The following PHC2 variants were observed in gnomAD, a reference collection of about 807,000 sequenced individuals.
PHC2 encodes polyhomeotic homolog 2, also known as polyhomeotic-like protein 2.
In PHC2, 29 loss-of-function variants were observed where a neutral mutation model predicts 87.4. The ratio of observed to expected loss-of-function variants is 0.33; its 90% CI spans 0.25 to 0.45. PHC2 has a LOEUF of 0.45. Among genes scored for constraint, PHC2 ranks in the 20% least tolerant of loss-of-function variants. PHC2 has a pLI of 1.00. For missense variants in PHC2, 857 were observed against 1,136.7 expected (o/e 0.75, Z 3.54); for synonymous variants, 438 against 461.7 (o/e 0.95, Z 0.66).
chr1:33,358,721 C>T (rs1418314536), intron 7 of PHC2: 3 of 152,190 alleles, frequency 2.0e-5, no homozygotes, highest in Non-Finnish European at 4.4e-5. Flanking sequence ...ACAACATAAA[C>T]CAACCTTTTA....
chr1:33,332,259 G>A lies in PHC2; in HGVS notation c.1891+16C>T, dbSNP rs768658470. ...CACGCTGGGAGGCCGAGAGATTCAG[G>A]GTCTGAGATGCCCACCTTGCAGATA... is the stretch of plus-strand genomic sequence containing the variant. On this transcript the variant is annotated intron_variant, in intron 11 of 14. Transcript: ENST00000683057. This position sits in a 1 kb window ranked among gnomAD's most constrained non-coding sequence, Gnocchi z 4.2. 5 of 1,613,846 alleles carry A rather than the reference G, an allele frequency of 3.1e-6. No homozygotes were observed. The highest frequency in any genetic ancestry group is 4.2e-6 in the Non-Finnish European group (5 of 1,179,888).
At chr1:33,330,035 G>C in intron 13 of PHC2, 36 bp downstream of exon 13, 1 of 1,608,126 alleles carries the variant, frequency 6.2e-7, no homozygotes, top group Non-Finnish European at 8.5e-7. Flanking sequence ...TGTGGGGACT[G>C]TGGGGATGGA....
intron 7 of PHC2, among the ~76,000 whole-genome samples, chr1:33,356,281 A>ATG: frequency 7.3e-6 from 1 of 136,418 alleles, no homozygotes; most frequent in African/African-American, 2.9e-5. Flanking sequence ...ATATATGTAT[A>ATG]TATATATATA....
chr1:33,341,140 C>G (rs1213689980), intron 9 of PHC2, among the ~76,000 whole-genome samples: 1 of 152,190 alleles, frequency 6.6e-6, no homozygotes, highest in East Asian at 1.9e-4. Flanking sequence ...GGCCTGTTTC[C>G]TCATCTATGA....
rs1344116172 is a variant in PHC2 at position 33,370,873 on chromosome 1, C to CCCTTTTCT, written c.411+136_411+143dup. On this transcript the variant is annotated intron_variant, in intron 4 of 14. Coordinates refer to ENST00000683057, the MANE Select transcript of PHC2 (RefSeq NM_001385109.1). ...AACCTAAAGGTCAGTAAGAGACATGCCCTTTTCTTTTTCTTCCCGGTAAGG... is the reference window on the plus strand; with the variant it reads ...AACCTAAAGGTCAGTAAGAGACATGCCCTTTTCTCCTTTTCTTTTTCTTCCCGGTAAGG... 9 of 750,392 alleles carry CCCTTTTCT rather than the reference C, an allele frequency of 1.2e-5. No homozygotes were observed. In the African/African-American group the frequency reaches 1.6e-4, roughly 13 times the overall value. 46.5% of individuals were successfully genotyped at this position (750,392 alleles called of 1,614,324 possible).
intron 9 of PHC2, 51 bp downstream of exon 9, chr1:33,354,332 AAATGTGCCAGGGCATGGC>A: frequency 1.4e-6 from 2 of 1,423,348 alleles, no homozygotes; most frequent in Non-Finnish European, 1.9e-6. Flanking sequence ...TGCCCAAGTG[AAATGTGCCAGGGCATGGC>A]AAGAAAGGCC....
intron 1 of PHC2, among the ~76,000 whole-genome samples, chr1:33,380,327 A>G (rs1648435553): frequency 6.6e-6 from 1 of 152,194 alleles, no homozygotes; most frequent in Admixed American, 6.5e-5. Flanking sequence ...ATAACTCCTC[A>G]GTCCCCCTTG....
At chr1:33,398,788 G>T (rs1035706250) in intron 1 of PHC2, among the ~76,000 whole-genome samples, 8 of 152,168 alleles carry the variant, frequency 5.3e-5, no homozygotes, top group African/African-American at 1.9e-4. Context: ...GAGCTAGAAA[G>T]CACACACAGA....
At position 33,334,346 on chromosome 1, in the gene PHC2, C is replaced by T. The variant is rs186711879; in HGVS notation, c.1559-54G>A. The T allele has an allele frequency of 7.4e-3, 11,333 of 1,531,106 alleles. 51 individuals carry two copies. Among genetic ancestry groups the T allele is most frequent in the Non-Finnish European group, 9.2e-3 (10,195 of 1,111,930 alleles). The allele number at this position is 1,531,106 out of a possible 1,614,324, so 94.8% of individuals were successfully genotyped here. ...CAGGGGAGATCAGAACCAGAGTCCA[C>T]GCCCAGGGAGGGACAGCAAGGACTC... is the stretch of plus-strand genomic sequence containing the variant. On this transcript the variant is annotated intron_variant, in intron 9 of 14. Coordinates refer to ENST00000683057, the MANE Select transcript of PHC2 (RefSeq NM_001385109.1). This position sits in a 1 kb window ranked among gnomAD's most constrained non-coding sequence, Gnocchi z 5.5.
In PHC2 at chr1:33,355,104, G is replaced by C; in HGVS notation, c.1126C>G (p.Pro376Ala). The C allele has an allele frequency of 6.2e-7, 1 of 1,611,586 alleles. No homozygotes were observed. The highest frequency in any genetic ancestry group is 8.5e-7 in the Non-Finnish European group (1 of 1,179,084). Reference sequence around the variant, plus strand: ...CTTGGAGAGACTGAGGCGAGCTGGGGGTGGGGCTCAGCTTGGAGCACAGGC... The same window carrying C: ...CTTGGAGAGACTGAGGCGAGCTGGGCGTGGGGCTCAGCTTGGAGCACAGGC... ...SRPVLQAEPH[P>A]QLASVSPSVA... The change falls in exon 8 of 15, where the codon CCC becomes GCC. Residue 376 changes from proline to alanine, a missense_variant. Transcript: ENST00000683057.
At chr1:33,340,484 AAC>A (rs1646722852) in intron 9 of PHC2, among the ~76,000 whole-genome samples, 1 of 152,198 alleles carries the variant, frequency 6.6e-6, no homozygotes, top group East Asian at 1.9e-4. Context: ...GACAGCAGCA[AAC>A]ACAGCACATA....
In PHC2 at chr1:33,329,972, C is replaced by T. The variant is rs1646454477; in HGVS notation, c.2148+99G>A. 28 of 1,362,448 alleles carry T rather than the reference C, an allele frequency of 2.1e-5. No homozygotes were observed. The South Asian group carries it at 3.5e-4, about 17-fold the overall frequency. 84.4% of individuals were successfully genotyped at this position (1,362,448 alleles called of 1,614,324 possible). On this transcript the variant is annotated intron_variant, in intron 13 of 14. Coordinates refer to ENST00000683057, the MANE Select transcript of PHC2 (RefSeq NM_001385109.1). Reference sequence around the variant, plus strand: ...AGGAATGAGAGCACAGCAGAGTGCGCTGAAGTCGGCAGCTGGAGGGGACCG... The same window carrying T: ...AGGAATGAGAGCACAGCAGAGTGCGTTGAAGTCGGCAGCTGGAGGGGACCG...
At chr1:33,366,055 C>G (rs1209631064) in intron 7 of PHC2, among the ~76,000 whole-genome samples, 1 of 152,210 alleles carries the variant, frequency 6.6e-6, no homozygotes, top group Non-Finnish European at 1.5e-5. Flanking sequence ...TGGTTCCCTT[C>G]TTTTGACTGC....
At position 33,346,858 on chromosome 1, in the gene PHC2, T is replaced by G. The variant is rs192355009; in HGVS notation, c.1558+7543A>C. On this transcript the variant is annotated intron_variant, in intron 9 of 14. Transcript: ENST00000683057. ...AGAGAAAAGTAGACAAAAAGACACC[T>G]ACGAGCACACCAGTAGGGGTTCCTA... 4,498 of 985,426 alleles carry G rather than the reference T, an allele frequency of 4.6e-3. 18 individuals are homozygous for G. The highest frequency in any genetic ancestry group is 5.1e-3 in the Non-Finnish European group (4,266 of 829,912). 61.0% of individuals were successfully genotyped at this position (985,426 alleles called of 1,614,324 possible). A position where few individuals can be genotyped will look rare whatever the true frequency, so the allele number is the denominator to read the frequency against.
At chr1:33,395,799 GA>G (rs1397391048) in intron 1 of PHC2, among the ~76,000 whole-genome samples, 6 of 152,150 alleles carry the variant, frequency 3.9e-5, no homozygotes, top group African/African-American at 1.2e-4. Flanking sequence ...TATCTTAGTT[GA>G]AAAGTGTGAA....
At chr1:33,394,355 TA>T (rs34437465) in intron 1 of PHC2, among the ~76,000 whole-genome samples, 2,701 of 150,982 alleles carry the variant, frequency 0.018, 73 homozygotes, top group African/African-American at 0.061. Context: ...GTTTTCAAAG[TA>T]AAAAAAAAGT....
chr1:33,347,569 G>T, intron 9 of PHC2: 1 of 985,288 alleles, frequency 1.0e-6, no homozygotes, highest in Non-Finnish European at 1.2e-6. Context: ...ACAGTTTGGG[G>T]GAAAAAAGAA....
chr1:33,412,064 T>C (rs2148392875), intron 1 of PHC2, among the ~76,000 whole-genome samples: 1 of 152,262 alleles, frequency 6.6e-6, no homozygotes, highest in South Asian at 2.1e-4. Context: ...CAATTGTCTA[T>C]TCAATATCAT....
chr1:33,353,125 T>C (rs140964635), intron 9 of PHC2: 1 of 152,258 alleles, frequency 6.6e-6, no homozygotes, highest in Admixed American at 6.5e-5. Flanking sequence ...AATGAAAAGG[T>C]AGAATGTAGA....
Sources: allele counts gnomAD v4.1 joint callset (sites outside exome capture counted in the v4.1 genomes callset), GRCh38; gene constraint gnomAD v4.1.1; non-coding constraint Gnocchi (gnomAD v3.1); transcripts MANE v1.5; gene names NCBI Gene and HGNC (gene_info 2026-07-23, HGNC 2026-07-21).